EYS: variants seen among roughly 807,000 people sequenced by gnomAD.
EYS encodes EGF-like photoreceptor maintenance factor, also known as protein eyes shut homolog.
A neutral mutation model predicts 282.1 loss-of-function variants in EYS; 250 were observed. That is an observed-to-expected ratio of 0.89 (90% CI 0.80 to 0.98). EYS has a LOEUF of 0.98. Among genes scored for constraint, EYS ranks in the 50% least tolerant of loss-of-function variants. The probability of loss-of-function intolerance (pLI) is 0.00; values close to 1 mark genes in which losing one functional copy is unlikely to be tolerated. For missense variants in EYS, 4,016 were observed against 3,709.0 expected (o/e 1.08, Z -2.15); for synonymous variants, 1,355 against 1,282.9 (o/e 1.06, Z -1.20).
chr6:64,539,633 A>G (rs972186012), intron 26 of EYS, among the ~76,000 whole-genome samples: 6 of 152,136 alleles, frequency 3.9e-5, no homozygotes, highest in African/African-American at 1.4e-4. Context: ...GATGAGCCCA[A>G]GGTGATGCTG....
At chr6:63,810,313 C>A (rs1049882782) in intron 36 of EYS, among the ~76,000 whole-genome samples, 14 of 143,104 alleles carry the variant, frequency 9.8e-5, no homozygotes, top group Non-Finnish European at 1.4e-4. Context: ...AACCCCCCCC[C>A]CCAAAAAAAC....
At chr6:63,918,897 C>T (rs2149742303) in intron 35 of EYS, among the ~76,000 whole-genome samples, 1 of 152,242 alleles carries the variant, frequency 6.6e-6, no homozygotes, top group Non-Finnish European at 1.5e-5. Context: ...TTTATTAAGT[C>T]ATGTAAAAGC....
chr6:64,714,394 G>A (rs1206690081), intron 22 of EYS, among the ~76,000 whole-genome samples: 1 of 152,034 alleles, frequency 6.6e-6, no homozygotes, highest in Admixed American at 6.6e-5. Flanking sequence ...TTAGCAGAAG[G>A]CAATATGACA....
intron 36 of EYS, among the ~76,000 whole-genome samples, chr6:63,848,615 T>C (rs1772161094): frequency 6.6e-6 from 1 of 151,902 alleles, no homozygotes; most frequent in Non-Finnish European, 1.5e-5. Flanking sequence ...CAGGAAGCTG[T>C]GAGGGGCTGT....
chr6:64,729,775 A>G (rs989358545), intron 22 of EYS, among the ~76,000 whole-genome samples: 2 of 152,190 alleles, frequency 1.3e-5, no homozygotes, highest in African/African-American at 2.4e-5. Context: ...CAATGTTATT[A>G]TGGATACAAA....
intron 15 of EYS, among the ~76,000 whole-genome samples, chr6:64,924,912 C>T (rs1293622715): frequency 6.6e-6 from 1 of 152,186 alleles, no homozygotes; most frequent in Non-Finnish European, 1.5e-5. Flanking sequence ...TTCCTGTCTT[C>T]TTCTGAGCCC....
intron 23 of EYS, among the ~76,000 whole-genome samples, chr6:64,620,391 A>G (rs960818267): frequency 3.9e-5 from 6 of 152,152 alleles, no homozygotes; most frequent in Admixed American, 3.9e-4. Flanking sequence ...TTTTTTTACC[A>G]GAAGAATCTG....
At chr6:64,586,824 C>T (rs972136007) in intron 26 of EYS, among the ~76,000 whole-genome samples, 1 of 152,014 alleles carries the variant, frequency 6.6e-6, no homozygotes, top group Non-Finnish European at 1.5e-5. Flanking sequence ...TTTTTCCTAT[C>T]CATTGCTATT....
At chr6:65,140,842 A>G (rs1764318390) in intron 12 of EYS, among the ~76,000 whole-genome samples, 5 of 148,862 alleles carry the variant, frequency 3.4e-5, no homozygotes, top group Admixed American at 3.3e-4. Context: ...TCAGGAAACA[A>G]CAGGTGCTGG....
intron 11 of EYS, among the ~76,000 whole-genome samples, chr6:65,319,622 A>G: frequency 6.6e-6 from 1 of 152,178 alleles, no homozygotes; most frequent in African/African-American, 2.4e-5. Context: ...TCTTCTGTAT[A>G]ATCATGGAAC....
intron 9 of EYS, among the ~76,000 whole-genome samples, chr6:65,347,216 C>A (rs1293867928): frequency 6.6e-6 from 1 of 151,696 alleles, no homozygotes; most frequent in African/African-American, 2.4e-5. Flanking sequence ...TATATACTTA[C>A]AGTGTTTTTT....
At chr6:64,470,460 G>A (rs758240876) in intron 26 of EYS, among the ~76,000 whole-genome samples, 3 of 152,252 alleles carry the variant, frequency 2.0e-5, no homozygotes, top group Non-Finnish European at 4.4e-5. Flanking sequence ...ATGACTCATT[G>A]AATGAAATGA....
chr6:65,248,512 G>A (rs1453750532), intron 12 of EYS, among the ~76,000 whole-genome samples: 1 of 152,030 alleles, frequency 6.6e-6, no homozygotes, highest in Non-Finnish European at 1.5e-5. Context: ...GATCAGCAAT[G>A]TGTGCAAGTT....
At chr6:64,927,447 G>T (rs556522490) in intron 15 of EYS, among the ~76,000 whole-genome samples, 4 of 152,138 alleles carry the variant, frequency 2.6e-5, no homozygotes, top group African/African-American at 9.6e-5. Flanking sequence ...GATTACTTAC[G>T]TGATCAATTC....
At chr6:65,173,909 T>A (rs911435289) in intron 12 of EYS, among the ~76,000 whole-genome samples, 3 of 151,234 alleles carry the variant, frequency 2.0e-5, no homozygotes, top group Admixed American at 6.6e-5. Context: ...AATAAAAGAT[T>A]TTTACTAAAA....
rs369275774 is a variant in EYS, at chr6:65,088,530, G to C, written c.2024-30803C>G. Among the ~76,000 whole-genome samples, 3 of 152,170 alleles carry C rather than the reference G, an allele frequency of 2.0e-5. No homozygotes were observed. In the East Asian group the frequency reaches 5.8e-4, roughly 29 times the overall value. On this transcript the variant is annotated intron_variant, in intron 12 of 42. Coordinates refer to ENST00000503581, the MANE Select transcript of EYS (RefSeq NM_001142800.2). ...GACATGTAGAAGTTTAAACTTGAGA[G>C]AGATGATCTAGGTTATCTGGCAGAA...
At chr6:64,931,878 G>A (rs1768737748) in intron 15 of EYS, among the ~76,000 whole-genome samples, 2 of 152,006 alleles carry the variant, frequency 1.3e-5, no homozygotes, top group South Asian at 4.1e-4. Flanking sequence ...TGCAGACACT[G>A]TGATTGTAGA....
chr6:65,338,404 A>C (rs965508223), intron 10 of EYS, among the ~76,000 whole-genome samples: 2 of 151,018 alleles, frequency 1.3e-5, no homozygotes, highest in African/African-American at 4.8e-5. Context: ...ACAGAGAATC[A>C]AAGATCTGCT....
intron 2 of EYS, among the ~76,000 whole-genome samples, chr6:65,552,292 T>G (rs1175979678): frequency 2.6e-5 from 4 of 152,180 alleles, no homozygotes; most frequent in African/African-American, 4.8e-5. Context: ...TATTTGGAAC[T>G]TTTTCAGTGA....
Sources: allele counts gnomAD v4.1 joint callset (sites outside exome capture counted in the v4.1 genomes callset), GRCh38; gene constraint gnomAD v4.1.1; transcripts MANE v1.5; gene names NCBI Gene and HGNC (gene_info 2026-07-23, HGNC 2026-07-21).